The following USP24 variants were observed in gnomAD, a reference collection of about 807,000 sequenced individuals.
USP24 encodes the protein ubiquitin carboxyl-terminal hydrolase 24.
In USP24, 97 loss-of-function variants were observed where a neutral mutation model predicts 361.6. That is an observed-to-expected ratio of 0.27 (90% CI 0.23 to 0.32). The LOEUF is 0.32. USP24 is among the 10% of genes least tolerant of loss of function. The probability of loss-of-function intolerance (pLI) is 1.00; values close to 1 mark genes in which losing one functional copy is unlikely to be tolerated. For missense variants in USP24, 2,353 were observed against 3,165.6 expected, an observed-to-expected ratio of 0.74 and a Z score of 6.16; for synonymous variants, 1,098 against 1,124.6, an observed-to-expected ratio of 0.98 and a Z score of 0.47.
At chr1:55,155,128 G>A (rs1570564037) in intron 12 of USP24, among the ~76,000 whole-genome samples, 1 of 152,030 alleles carries the variant, frequency 6.6e-6, no homozygotes, top group South Asian at 2.1e-4. Flanking sequence ...TAAAACAAAT[G>A]TACCCACTTT....
intron 16 of USP24, chr1:55,151,818 A>T: frequency 1.2e-6 from 1 of 859,348 alleles, no homozygotes; most frequent in Non-Finnish European, 1.4e-6. Context: ...TGGGAATTTT[A>T]AGAGTATCAA....
rs529630887 is a variant in USP24 at position 55,074,067 on chromosome 1, C to T, written c.7448-161G>A. On this transcript the variant is annotated intron_variant, in intron 63 of 67. Transcript: ENST00000294383. ...TGGTGGTGCCTGACTCAACAGAATCCCTAAATTCTAATGGGTGGAAACACT... is the reference window on the plus strand; with the variant it reads ...TGGTGGTGCCTGACTCAACAGAATCTCTAAATTCTAATGGGTGGAAACACT... 3.3e-5 allele frequency among the ~76,000 whole-genome samples: 5 copies of T among 149,414 alleles called. No homozygotes were observed. The South Asian group carries it at 1.1e-3, about 32-fold the overall frequency.
At chr1:55,102,351 A>G (rs2100513619) in intron 42 of USP24, among the ~76,000 whole-genome samples, 1 of 152,336 alleles carries the variant, frequency 6.6e-6, no homozygotes, top group Non-Finnish European at 1.5e-5. Context: ...ACCCCAGTAC[A>G]GTGCTTTTCT....
intron 10 of USP24, among the ~76,000 whole-genome samples, chr1:55,158,149 A>T (rs914057481): frequency 1.3e-5 from 2 of 152,248 alleles, no homozygotes; most frequent in Admixed American, 6.5e-5. Context: ...AGCAGGGACA[A>T]GACTTGGACA....
chr1:55,215,160 G>T lies in USP24; in HGVS notation c.-47C>A. 1 of 1,206,770 alleles carries T rather than the reference G, an allele frequency of 8.3e-7. No homozygotes were observed. Among genetic ancestry groups the T allele is most frequent in the Non-Finnish European group, 1.0e-6 (1 of 969,432 alleles). 74.8% of individuals were successfully genotyped at this position (1,206,770 alleles called of 1,614,324 possible). A position where few individuals can be genotyped will look rare whatever the true frequency, so the allele number is the denominator to read the frequency against. On this transcript the variant is annotated 5_prime_UTR_variant, in exon 1 of 68. Coordinates refer to ENST00000294383, the MANE Select transcript of USP24 (RefSeq NM_015306.3). ...CCGGCCAGCGCACGGCGAAGCTACG[G>T]GTCCCGGGCCTGGCGGGCCGCGCGG...
chr1:55,144,869 G>A (rs1260950804), intron 20 of USP24, among the ~76,000 whole-genome samples: 3 of 152,162 alleles, frequency 2.0e-5, no homozygotes, highest in Non-Finnish European at 2.9e-5. Context: ...GGGAAGTGGA[G>A]GTTGCAGTGA....
intron 46 of USP24, 23 bp from the exon 47 acceptor site, chr1:55,098,107 C>A: frequency 6.4e-7 from 1 of 1,570,746 alleles, no homozygotes; most frequent in Non-Finnish European, 8.6e-7. Flanking sequence ...TAACAGAAAA[C>A]CCACAATCAA....
chr1:55,167,941 C>A (rs1649051978), intron 5 of USP24, among the ~76,000 whole-genome samples: 1 of 152,040 alleles, frequency 6.6e-6, no homozygotes, highest in African/African-American at 2.4e-5. Flanking sequence ...CTCTTCAAGT[C>A]TGGTATACTC....
chr1:55,104,044 A>T, intron 41 of USP24, 24 bp from the exon 42 acceptor site: 1 of 1,581,294 alleles, frequency 6.3e-7, no homozygotes, highest in Non-Finnish European at 8.6e-7. Flanking sequence ...ACACAAGTCA[A>T]TTTCAACAAT....
chr1:55,204,419 A>G (rs895016357), intron 1 of USP24, among the ~76,000 whole-genome samples: 1 of 151,944 alleles, frequency 6.6e-6, no homozygotes, highest in African/African-American at 2.4e-5. Flanking sequence ...AATATTAAAC[A>G]TCTAACAGGC....
In USP24 at chr1:55,109,739, G is replaced by A. The variant is rs542662520; in HGVS notation, c.4570+446C>T. Among the ~76,000 whole-genome samples the A allele has an allele frequency of 1.4e-3, 206 of 152,216 alleles. 1 individual carries two copies. The highest frequency in any genetic ancestry group is 4.7e-3 in the African/African-American group (197 of 41,560). ...ACATTATTTAAGGGTAAGTACAGAT[G>A]ATTAAAATCTCAGCACACTAACAAA... On this transcript the variant is annotated intron_variant, in intron 39 of 67. Transcript: ENST00000294383.
intron 5 of USP24, among the ~76,000 whole-genome samples, chr1:55,170,592 T>C (rs554875368): frequency 6.6e-6 from 1 of 152,276 alleles, no homozygotes; most frequent in African/African-American, 2.4e-5. Flanking sequence ...ACCTATGAAA[T>C]GGGGGTAAAA....
At chr1:55,129,637 A>G in intron 31 of USP24, 63 bp from the exon 32 acceptor site, 3 of 1,324,276 alleles carry the variant, frequency 2.3e-6, no homozygotes, top group Non-Finnish European at 3.2e-6. Context: ...CTCCTTTACT[A>G]AATAAAACAT....
intron 1 of USP24, among the ~76,000 whole-genome samples, chr1:55,189,201 A>G (rs565178866): frequency 6.6e-6 from 1 of 152,186 alleles, no homozygotes. Flanking sequence ...ACACGTATAC[A>G]TGAGTGTTCG....
intron 38 of USP24, among the ~76,000 whole-genome samples, chr1:55,116,018 G>T (rs766186126): frequency 6.6e-6 from 1 of 152,166 alleles, no homozygotes; most frequent in Non-Finnish European, 1.5e-5. Flanking sequence ...AACCTGTCGG[G>T]GGGTGGGCAG....
intron 58 of USP24, among the ~76,000 whole-genome samples, chr1:55,082,501 G>A (rs1645170687): frequency 6.6e-6 from 1 of 152,224 alleles, no homozygotes; most frequent in African/African-American, 2.4e-5. Context: ...AAACAGGAGA[G>A]TTGGTTTTGG....
At chr1:55,101,471 G>A (rs1050677454) in intron 43 of USP24, 113 bp downstream of exon 43, 30 of 1,420,378 alleles carry the variant, frequency 2.1e-5, no homozygotes, top group Admixed American at 1.4e-4. Context: ...CTAAAGAATT[G>A]CAAGTTATGT....
Position 55,089,739 on chromosome 1 carries a change from C to A in USP24, c.6556G>T (p.Val2186Phe). 6.3e-7 allele frequency: 1 copy of A among 1,585,084 alleles called. No homozygotes were observed. The highest frequency in any genetic ancestry group is 1.2e-5 in the South Asian group (1 of 85,880). ...TYLRTKKKLR[V>F]DTEEWIATIE... ...GTAGCAATCCATTCTTCAGTATCAA[C>A]CCTTTAAAAAAAAGCAGATACAGCA... The change falls in exon 55 of 68, where the codon GTT becomes TTT. Residue 2186 changes from valine to phenylalanine, a missense_variant and splice_region_variant. Physicochemically the swap from Val to Phe is conservative, Grantham distance 50. Coordinates refer to ENST00000294383, the MANE Select transcript of USP24 (RefSeq NM_015306.3).
intron 1 of USP24, among the ~76,000 whole-genome samples, chr1:55,211,355 C>T (rs1644842027): frequency 6.6e-6 from 1 of 152,104 alleles, no homozygotes; most frequent in African/African-American, 2.4e-5. Flanking sequence ...CCTTCCAGAC[C>T]CAGAGACCAA....
Sources: allele counts gnomAD v4.1 joint callset (sites outside exome capture counted in the v4.1 genomes callset), GRCh38; gene constraint gnomAD v4.1.1; transcripts MANE v1.5; gene names NCBI Gene and HGNC (gene_info 2026-07-23, HGNC 2026-07-21).